The following GMPS variants were observed in gnomAD, a reference collection of about 807,000 sequenced individuals.
GMPS encodes the protein GMP synthase [glutamine-hydrolyzing].
In GMPS, 15 loss-of-function variants were observed where a neutral mutation model predicts 77.9. The observed-to-expected ratio is 0.19, with a 90% CI of 0.13 to 0.30. GMPS has a LOEUF of 0.30. Ranked by LOEUF, GMPS falls within the 10% of genes least tolerant of loss-of-function variation. The pLI, the probability that GMPS is intolerant of heterozygous loss-of-function variation, is 1.00. For missense variants in GMPS, 590 were observed against 838.8 expected (o/e 0.70, Z 3.66); for synonymous variants, 224 against 275.9 (o/e 0.81, Z 1.86).
At chr3:155,935,276 T>C (rs547481642) in intron 14 of GMPS, among the ~76,000 whole-genome samples, 144 of 152,290 alleles carry the variant, frequency 9.5e-4, no homozygotes, top group Middle Eastern at 6.8e-3. Context: ...CTCTGCCTCC[T>C]GTTACAAGTG....
intron 1 of GMPS, among the ~76,000 whole-genome samples, chr3:155,880,406 C>G (rs1209107059): frequency 6.6e-6 from 1 of 152,048 alleles, no homozygotes; most frequent in East Asian, 1.9e-4. Flanking sequence ...GTGGTAGTAT[C>G]TTTTTGTATC....
intron 3 of GMPS, among the ~76,000 whole-genome samples, chr3:155,898,717 C>T (rs1308061041): frequency 6.6e-6 from 1 of 152,142 alleles, no homozygotes; most frequent in Non-Finnish European, 1.5e-5. Flanking sequence ...ACTTTGGTTT[C>T]TGTGATGATT....
chr3:155,928,291 G>A (rs1755508853), intron 12 of GMPS, among the ~76,000 whole-genome samples: 1 of 151,804 alleles, frequency 6.6e-6, no homozygotes, highest in South Asian at 2.1e-4. Flanking sequence ...CCTCCCAAAA[G>A]TGCTAGGATT....
intron 1 of GMPS, among the ~76,000 whole-genome samples, chr3:155,890,871 T>C (rs1325795499): frequency 2.6e-5 from 4 of 152,236 alleles, no homozygotes; most frequent in African/African-American, 9.6e-5. Flanking sequence ...TTATCACTTT[T>C]CATTTCTTTG....
rs1185562703 is a variant in GMPS, at chr3:155,937,816, C to T, written c.*124C>T. The T allele has an allele frequency of 8.3e-6, 5 of 601,490 alleles. No individual in the cohort carries two copies. Among genetic ancestry groups the T allele is most frequent in the Admixed American group, 3.2e-5 (1 of 31,178 alleles). The allele number at this position is 601,490 out of a possible 1,614,324, so 37.3% of individuals were successfully genotyped here. A position where few individuals can be genotyped will look rare whatever the true frequency, so the allele number is the denominator to read the frequency against. On this transcript the variant is annotated 3_prime_UTR_variant, in exon 16 of 16. Transcript: ENST00000496455. The stretch of plus-strand genomic sequence containing the variant: ...AGCTACATCACATCTGAGTTCTCCA[C>T]AGCAAAAATCTACGGCTTAAGAGCT...
At chr3:155,884,700 A>G (rs1754294810) in intron 1 of GMPS, among the ~76,000 whole-genome samples, 1 of 152,220 alleles carries the variant, frequency 6.6e-6, no homozygotes, top group African/African-American at 2.4e-5. Flanking sequence ...CCTAGTGTTC[A>G]TAATGTGCAG....
At position 155,887,717 on chromosome 3, in the gene GMPS, AG is replaced by A. The variant is rs1262027777; in HGVS notation, c.28-5799del. Among the ~76,000 whole-genome samples, 33 of 152,310 alleles carry A rather than the reference AG, an allele frequency of 2.2e-4. 1 individual carries two copies. The highest frequency in any genetic ancestry group is 2.2e-3 in the Admixed American group (33 of 15,294). On this transcript the variant is annotated intron_variant, in intron 1 of 15. Coordinates refer to ENST00000496455, the MANE Select transcript of GMPS (RefSeq NM_003875.3). Reference sequence around the variant, plus strand: ...TGTGATAATGATATTGTAGTTACATAGGAGATTGTCCCTGTTTGTAGGAGAT... The same window carrying A: ...TGTGATAATGATATTGTAGTTACATAGAGATTGTCCCTGTTTGTAGGAGAT...
intron 3 of GMPS, among the ~76,000 whole-genome samples, chr3:155,899,560 C>T (rs1754684430): frequency 6.6e-6 from 1 of 152,068 alleles, no homozygotes; most frequent in Non-Finnish European, 1.5e-5. Context: ...ATCAACATCC[C>T]ACACCAGAGT....
At chr3:155,908,862 T>C (rs1754961397) in intron 5 of GMPS, among the ~76,000 whole-genome samples, 1 of 152,272 alleles carries the variant, frequency 6.6e-6, no homozygotes, top group South Asian at 2.1e-4. Context: ...GCTGGAGGTA[T>C]AAATTTGGGG....
chr3:155,916,235 A>AGACTTTCCATGT, intron 9 of GMPS, 43 bp downstream of exon 9: 4 of 1,258,016 alleles, frequency 3.2e-6, no homozygotes, highest in Non-Finnish European at 4.6e-6. Context: ...GATACATGGA[A>AGACTTTCCATGT]AGTCTTCCAT....
Position 155,870,662 on chromosome 3 carries a change from G to A in GMPS, c.-209G>A, listed in dbSNP as rs1180708402. On this transcript the variant is annotated 5_prime_UTR_variant, in exon 1 of 16. Coordinates refer to ENST00000496455, the MANE Select transcript of GMPS (RefSeq NM_003875.3). ...AGGAGGCGGGGGCAGCGTGCGCGCT[G>A]CTGGTCTTCTCTCCCGCGGCGCTGG... 4 of 493,808 alleles carry A rather than the reference G, an allele frequency of 8.1e-6. No homozygotes were observed. The highest frequency in any genetic ancestry group is 1.4e-5 in the Non-Finnish European group (4 of 277,960). 30.6% of individuals were successfully genotyped at this position (493,808 alleles called of 1,614,324 possible). A position where few individuals can be genotyped will look rare whatever the true frequency, so the allele number is the denominator to read the frequency against.
chr3:155,885,345 T>C (rs1444741141), intron 1 of GMPS, among the ~76,000 whole-genome samples: 1 of 152,200 alleles, frequency 6.6e-6, no homozygotes, highest in Non-Finnish European at 1.5e-5. Flanking sequence ...CTCAGATGAA[T>C]TAAGTGATTG....
chr3:155,928,019 C>CTTTTTTTTTTT (rs35962523), intron 12 of GMPS, among the ~76,000 whole-genome samples: 10 of 67,842 alleles, frequency 1.5e-4, no homozygotes, highest in African/African-American at 4.5e-4. Context: ...GCATTTTACA[C>CTTTTTTTTTTT]TTTTTTTTTT....
At chr3:155,873,673 C>T (rs771145821) in intron 1 of GMPS, among the ~76,000 whole-genome samples, 11 of 93,090 alleles carry the variant, frequency 1.2e-4, no homozygotes, top group East Asian at 3.6e-4. Context: ...CTAGCTCTGT[C>T]GCCCAGGCTG....
intron 12 of GMPS, among the ~76,000 whole-genome samples, chr3:155,927,772 AAG>A (rs1430201732): frequency 3.3e-5 from 5 of 152,206 alleles, no homozygotes; most frequent in Non-Finnish European, 7.3e-5. Context: ...AAGAAAATAA[AAG>A]AGGGGATTTG....
intron 5 of GMPS, 122 bp from the exon 6 acceptor site, chr3:155,910,568 CAA>C (rs772197752): frequency 0.067 from 17,484 of 259,394 alleles, no homozygotes; most frequent in South Asian, 0.084. Context: ...GACTCTGTCT[CAA>C]AAAAAAAAAA....
intron 1 of GMPS, among the ~76,000 whole-genome samples, chr3:155,872,048 A>T (rs189404941): frequency 2.6e-5 from 4 of 152,258 alleles, no homozygotes; most frequent in Admixed American, 2.6e-4. Context: ...TAGCTTTAGG[A>T]AAAAACTTAA....
At chr3:155,931,731 T>G (rs1241095650) in intron 12 of GMPS, 34 bp from the exon 13 acceptor site, 6 of 866,908 alleles carry the variant, frequency 6.9e-6, no homozygotes, top group Admixed American at 1.8e-5. Flanking sequence ...ATCTTTTGAC[T>G]ATTAAAAATT....
chr3:155,911,574 C>T (rs550224308), intron 7 of GMPS, among the ~76,000 whole-genome samples: 5 of 152,212 alleles, frequency 3.3e-5, no homozygotes, highest in South Asian at 4.1e-4. Context: ...CGGTGGCTCA[C>T]GCCTATAATC....
Sources: allele counts gnomAD v4.1 joint callset (sites outside exome capture counted in the v4.1 genomes callset), GRCh38; gene constraint gnomAD v4.1.1; transcripts MANE v1.5; gene names NCBI Gene and HGNC (gene_info 2026-07-23, HGNC 2026-07-21).